SDC2: variants seen among roughly 807,000 people sequenced by gnomAD.
The protein encoded by SDC2 is syndecan-2.
Under a neutral mutation model 22.2 loss-of-function variants are expected in SDC2, and 13 were observed. The observed-to-expected ratio is 0.59, with a 90% CI of 0.38 to 0.93. SDC2 has a LOEUF of 0.93. SDC2 is among the 40% of genes least tolerant of loss of function. The pLI, the probability that SDC2 is intolerant of heterozygous loss-of-function variation, is 0.00. For missense variants in SDC2, 235 were observed against 246.8 expected, an observed-to-expected ratio of 0.95 and a Z score of 0.32; for synonymous variants, 94 against 92.8, an observed-to-expected ratio of 1.01 and a Z score of -0.07.
rs1481198542 is a variant in SDC2 at position 96,576,368 on chromosome 8, G to GTTTTTTTTTTTTTTT, written c.61-17107_61-17106insTTTTTTTTTTTTTTT. ...ACATAAGTTCAATAATTGGTAGTTT[G>GTTTTTTTTTTTTTTT]TTTTTGTTTTGTTTTGTTTTTTTTT... On this transcript the variant is annotated intron_variant, in intron 1 of 4. Transcript: ENST00000302190. Among the ~76,000 whole-genome samples the GTTTTTTTTTTTTTTT allele has an allele frequency of 5.4e-4, 9 of 16,608 alleles. 1 individual carries two copies. The highest frequency in any genetic ancestry group is 1.0e-3 in the African/African-American group (8 of 8,014). The allele number at this position is 16,608 out of a possible 152,430, so 10.9% of individuals were successfully genotyped here.
rs1814143760 is a variant in SDC2, at chr8:96,557,799, A to G, written c.61-35681A>G. ...ATAATAAAAAAAAAAGAATGGTACC[A>G]CTTCTTGCTGAACAGTATTTTTATC... On this transcript the variant is annotated intron_variant, in intron 1 of 4. Coordinates refer to ENST00000302190, the MANE Select transcript of SDC2 (RefSeq NM_002998.4). 2.0e-5 allele frequency among the ~76,000 whole-genome samples: 3 copies of G among 152,082 alleles called. No homozygotes were observed. In the South Asian group the frequency reaches 6.2e-4, roughly 31 times the overall value.
At chr8:96,494,469 C>A in intron 1 of SDC2, 138 bp downstream of exon 1, 1 of 747,718 alleles carries the variant, frequency 1.3e-6, no homozygotes, top group Non-Finnish European at 2.1e-6. Flanking sequence ...GGGACAAATG[C>A]GCTCGTCCGG....
At chr8:96,517,599 C>G (rs1055371973) in intron 1 of SDC2, among the ~76,000 whole-genome samples, 1 of 151,956 alleles carries the variant, frequency 6.6e-6, no homozygotes, top group Non-Finnish European at 1.5e-5. Context: ...TATTCTTTCC[C>G]CGTTGAATTC....
At chr8:96,577,570 A>G (rs1303001588) in intron 1 of SDC2, among the ~76,000 whole-genome samples, 1 of 152,218 alleles carries the variant, frequency 6.6e-6, no homozygotes, top group Non-Finnish European at 1.5e-5. Context: ...ATGAACCAAC[A>G]TTGATACATT....
chr8:96,542,955 A>C (rs894291960), intron 1 of SDC2, among the ~76,000 whole-genome samples: 10 of 152,164 alleles, frequency 6.6e-5, no homozygotes, highest in African/African-American at 2.4e-4. Flanking sequence ...TAGAGAGGAT[A>C]GTTATACAGG....
At chr8:96,569,619 A>C (rs1417746741) in intron 1 of SDC2, among the ~76,000 whole-genome samples, 1 of 152,232 alleles carries the variant, frequency 6.6e-6, no homozygotes, top group Non-Finnish European at 1.5e-5. Context: ...CCTTGTAATA[A>C]TACTAGATGA....
At chr8:96,499,977 A>G (rs2130419041) in intron 1 of SDC2, among the ~76,000 whole-genome samples, 2 of 152,164 alleles carry the variant, frequency 1.3e-5, no homozygotes, top group Middle Eastern at 3.4e-3. Context: ...GGGCCTGGAC[A>G]TTTTGGGGTT....
rs1230109695 is a variant in SDC2, at chr8:96,493,866, C to T, written c.-406C>T. The T allele has an allele frequency of 1.1e-5, 2 of 178,696 alleles. No homozygotes were observed. The highest frequency in any genetic ancestry group is 4.7e-5 in the African/African-American group (2 of 42,212). The allele number at this position is 178,696 out of a possible 1,614,324, so 11.1% of individuals were successfully genotyped here. ...ATCGCGCGCTCCCGCCGCTCTGCCCCTAAACTTCTGCCGTAGCTCCCTTTC... is the reference window on the plus strand; with the variant it reads ...ATCGCGCGCTCCCGCCGCTCTGCCCTTAAACTTCTGCCGTAGCTCCCTTTC... On this transcript the variant is annotated 5_prime_UTR_variant, in exon 1 of 5. Coordinates refer to ENST00000302190, the MANE Select transcript of SDC2 (RefSeq NM_002998.4).
At chr8:96,521,145 A>G (rs1254636454) in intron 1 of SDC2, among the ~76,000 whole-genome samples, 4 of 152,226 alleles carry the variant, frequency 2.6e-5, no homozygotes, top group Non-Finnish European at 5.9e-5. Context: ...CCCTAATGGG[A>G]TGATTTTCAC....
chr8:96,528,577 A>T (rs531565507), intron 1 of SDC2, among the ~76,000 whole-genome samples: 15 of 152,326 alleles, frequency 9.8e-5, no homozygotes, highest in African/African-American at 3.1e-4. Context: ...GGGGAAACTT[A>T]CTATTTAAAG....
rs554413138 is a variant in SDC2, at chr8:96,531,604, A to C, written c.60+37273A>C. Among the ~76,000 whole-genome samples the C allele has an allele frequency of 2.6e-5, 4 of 152,382 alleles. No homozygotes were observed. The South Asian group carries it at 8.3e-4, about 32-fold the overall frequency. Reference sequence around the variant, plus strand: ...TTTAAAAAATAAAAGAGAGAAAAGTAAGATGGAAAAGAAAATTAAAATTGT... The same window carrying C: ...TTTAAAAAATAAAAGAGAGAAAAGTCAGATGGAAAAGAAAATTAAAATTGT... On this transcript the variant is annotated intron_variant, in intron 1 of 4. Transcript: ENST00000302190.
At chr8:96,549,484 C>T (rs553609415) in intron 1 of SDC2, among the ~76,000 whole-genome samples, 1 of 152,284 alleles carries the variant, frequency 6.6e-6, no homozygotes, top group East Asian at 1.9e-4. Flanking sequence ...AACTGGGCAG[C>T]TCTTTTGGAA....
intron 1 of SDC2, among the ~76,000 whole-genome samples, chr8:96,512,166 C>T (rs1352128250): frequency 1.3e-5 from 2 of 152,208 alleles, no homozygotes; most frequent in African/African-American, 4.8e-5. Flanking sequence ...AGCATAGTCA[C>T]GTGGTCACAC....
intron 1 of SDC2, among the ~76,000 whole-genome samples, chr8:96,522,813 T>C (rs894710986): frequency 2.0e-5 from 3 of 152,224 alleles, no homozygotes; most frequent in Non-Finnish European, 4.4e-5. Flanking sequence ...AAAATAAATC[T>C]GGTCCATGAA....
intron 1 of SDC2, among the ~76,000 whole-genome samples, chr8:96,529,486 G>A (rs1222000384): frequency 2.0e-5 from 3 of 152,166 alleles, no homozygotes; most frequent in African/African-American, 7.2e-5. Context: ...ATGAGTACGA[G>A]TGACGGCTAT....
intron 1 of SDC2, among the ~76,000 whole-genome samples, chr8:96,537,972 G>GTTTA (rs1167819205): frequency 2.5e-4 from 38 of 152,240 alleles, no homozygotes; most frequent in African/African-American, 8.9e-4. Flanking sequence ...TTGTTTGTTT[G>GTTTA]TTTGTTTTTG....
At chr8:96,596,526 A>G (rs986097386) in intron 2 of SDC2, among the ~76,000 whole-genome samples, 15 of 152,360 alleles carry the variant, frequency 9.8e-5, no homozygotes, top group Admixed American at 3.3e-4. Context: ...CTTGGGGCAC[A>G]GAGATAAGAA....
chr8:96,539,264 C>T (rs79244898), intron 1 of SDC2, among the ~76,000 whole-genome samples: 4 of 152,090 alleles, frequency 2.6e-5, no homozygotes, highest in Non-Finnish European at 5.9e-5. Flanking sequence ...TTTTATCTCC[C>T]ATGTTTTCAA....
intron 1 of SDC2, among the ~76,000 whole-genome samples, chr8:96,500,439 A>G (rs1324901628): frequency 2.0e-5 from 3 of 152,186 alleles, no homozygotes; most frequent in East Asian, 1.9e-4. Flanking sequence ...AGGTGGGCCA[A>G]TCACCTGAGG....
Sources: allele counts gnomAD v4.1 joint callset (sites outside exome capture counted in the v4.1 genomes callset), GRCh38; gene constraint gnomAD v4.1.1; transcripts MANE v1.5; gene names NCBI Gene and HGNC (gene_info 2026-07-23, HGNC 2026-07-21).